CHP1: variants seen among roughly 807,000 people sequenced by gnomAD.
CHP1 encodes the protein calcineurin like EF-hand protein 1.
CHP1 carries 11 observed loss-of-function variants against 27.4 expected under a neutral mutation model. The observed-to-expected ratio is 0.40, with a 90% CI of 0.25 to 0.67. The LOEUF (loss-of-function observed/expected upper bound fraction) is 0.67, where lower values mean the gene tolerates loss of function less well. CHP1 is among the 30% of genes least tolerant of loss of function. CHP1 has a pLI of 0.38. For synonymous variants in CHP1, 89 were observed against 87.4 expected (o/e 1.02, Z -0.10); for missense variants, 169 against 251.3 (o/e 0.67, Z 2.22).
chr15:41,249,504 G>C (rs1277188317), intron 2 of CHP1, among the ~76,000 whole-genome samples: 1 of 115,040 alleles, frequency 8.7e-6, no homozygotes, highest in East Asian at 2.6e-4. Flanking sequence ...ATGGAGTCTC[G>C]CTCTGTCGTC....
At position 41,231,543 on chromosome 15, in the gene CHP1, T is replaced by G. The variant is rs567354790; in HGVS notation, c.67+94T>G. Reference sequence around the variant, plus strand: ...CTAAGGTCTGGAGCTCGGGTGCCTGTGAGGTTGGGGGGTCCTGGGCAGCCT... The same window carrying G: ...CTAAGGTCTGGAGCTCGGGTGCCTGGGAGGTTGGGGGGTCCTGGGCAGCCT... On this transcript the variant is annotated intron_variant, in intron 1 of 6. Coordinates refer to ENST00000334660, the MANE Select transcript of CHP1 (RefSeq NM_007236.5). The G allele has an allele frequency of 8.7e-3, 10,992 of 1,260,778 alleles. 70 individuals are homozygous for G. Among genetic ancestry groups the G allele is most frequent in the Non-Finnish European group, 0.011 (9,355 of 883,308 alleles). The allele number at this position is 1,260,778 out of a possible 1,614,324, so 78.1% of individuals were successfully genotyped here. A position where few individuals can be genotyped will look rare whatever the true frequency, so the allele number is the denominator to read the frequency against.
intron 5 of CHP1, among the ~76,000 whole-genome samples, chr15:41,278,350 A>AC (rs1268339451): frequency 1.3e-5 from 2 of 150,892 alleles, no homozygotes; most frequent in Admixed American, 6.6e-5. Context: ...AAAAAAAAAA[A>AC]GGAAAAAAAA....
Position 41,273,829 on chromosome 15 carries a change from T to G in CHP1, c.411+3211T>G, listed in dbSNP as rs183526249. Among the ~76,000 whole-genome samples the G allele has an allele frequency of 2.6e-5, 4 of 151,668 alleles. No individual in the cohort carries two copies. The East Asian group carries it at 8.1e-4, about 31-fold the overall frequency. On this transcript the variant is annotated intron_variant, in intron 5 of 6. Coordinates refer to ENST00000334660, the MANE Select transcript of CHP1 (RefSeq NM_007236.5). ...GGTGTTTCACTCCTGTAATTCCAGC[T>G]ACTCGGGAGGCTGAAGTAGGAGAAT...
At chr15:41,279,232 G>A (rs1434060923) in intron 6 of CHP1, 104 bp from the exon 7 acceptor site, 12 of 897,416 alleles carry the variant, frequency 1.3e-5, no homozygotes, top group Non-Finnish European at 1.9e-5. Context: ...AAAAAGTTAC[G>A]TTTTACTGCA....
At chr15:41,279,119 G>T (rs2047533683) in intron 6 of CHP1, among the ~76,000 whole-genome samples, 1 of 151,640 alleles carries the variant, frequency 6.6e-6, no homozygotes, top group African/African-American at 2.4e-5. Context: ...GCTGAGGCAG[G>T]AGAATCGCTT....
chr15:41,278,861 G>A lies in CHP1; in HGVS notation c.506G>A (p.Ser169Asn), dbSNP rs1192384867. ...TIQEADQDGD[S>N]AISFTEFVKV... ...CAGGAGGCTGATCAGGATGGGGACA[G>A]TGCCATATCTTTCACAGAATTTGTT... is the stretch of plus-strand genomic sequence containing the variant. The change falls in exon 6 of 7, where the codon AGT (serine) becomes AAT (asparagine). Residue 169 changes from serine to asparagine, a missense_variant. Transcript: ENST00000334660. The A allele has an allele frequency of 6.2e-7, 1 of 1,614,196 alleles. No individual in the cohort carries two copies. The highest frequency in any genetic ancestry group is 8.5e-7 in the Non-Finnish European group (1 of 1,180,020).
In CHP1 at chr15:41,281,450, C is replaced by T. The variant is rs2140947047; in HGVS notation, c.*2061C>T. On this transcript the variant is annotated 3_prime_UTR_variant, in exon 7 of 7. Coordinates refer to ENST00000334660, the MANE Select transcript of CHP1 (RefSeq NM_007236.5). The stretch of plus-strand genomic sequence containing the variant: ...GCTATTGCTATCCTAATGTATGTCT[C>T]TATGAGTGTATTTAGCCACACATCT... 1 of 152,762 alleles carries T rather than the reference C, an allele frequency of 6.5e-6. No individual in the cohort carries two copies. Among genetic ancestry groups the T allele is most frequent in the East Asian group, 1.9e-4 (1 of 5,190 alleles). 9.5% of individuals were successfully genotyped at this position (152,762 alleles called of 1,614,324 possible).
chr15:41,234,983 GTT>G (rs1267307672), intron 1 of CHP1, among the ~76,000 whole-genome samples: 1 of 152,072 alleles, frequency 6.6e-6, no homozygotes, highest in Non-Finnish European at 1.5e-5. Flanking sequence ...TTTTAAAGGA[GTT>G]TTTAACAGTT....
intron 2 of CHP1, among the ~76,000 whole-genome samples, chr15:41,252,865 T>C (rs2047376930): frequency 6.7e-6 from 1 of 149,758 alleles, no homozygotes; most frequent in East Asian, 2.0e-4. Context: ...AGGTATACCA[T>C]GAGGCAGAAC....
intron 4 of CHP1, among the ~76,000 whole-genome samples, chr15:41,270,210 TA>T (rs1334529626): frequency 6.6e-6 from 1 of 151,866 alleles, no homozygotes; most frequent in East Asian, 1.9e-4. Context: ...TGGTACCTGG[TA>T]GATTTGATGT....
intron 1 of CHP1, among the ~76,000 whole-genome samples, chr15:41,235,410 C>T (rs1173064501): frequency 6.6e-6 from 1 of 152,098 alleles, no homozygotes; most frequent in Non-Finnish European, 1.5e-5. Context: ...CCTGCAGTCC[C>T]AGCTACTCAG....
chr15:41,256,309 T>G (rs2047400464), intron 2 of CHP1, among the ~76,000 whole-genome samples: 1 of 152,222 alleles, frequency 6.6e-6, no homozygotes, highest in Non-Finnish European at 1.5e-5. Flanking sequence ...CATGTGAGGA[T>G]GACTGCTCTT....
chr15:41,233,667 A>C (rs2047263537), intron 1 of CHP1, among the ~76,000 whole-genome samples: 1 of 152,200 alleles, frequency 6.6e-6, no homozygotes, highest in African/African-American at 2.4e-5. Context: ...AGATAAGCCC[A>C]AGAGAGTTAT....
rs1408086778 is a variant in CHP1, at chr15:41,281,154, C to T, written c.*1765C>T. The T allele has an allele frequency of 6.6e-6, 1 of 152,252 alleles. No individual in the cohort carries two copies. The highest frequency in any genetic ancestry group is 1.5e-5 in the Non-Finnish European group (1 of 68,076). 9.4% of individuals were successfully genotyped at this position (152,252 alleles called of 1,614,324 possible). ...GATTACAGGCATGAGCCACCGTGCTCAGCCGCAAAATTCTTTATGAATTTT... is the reference window on the plus strand; with the variant it reads ...GATTACAGGCATGAGCCACCGTGCTTAGCCGCAAAATTCTTTATGAATTTT... On this transcript the variant is annotated 3_prime_UTR_variant, in exon 7 of 7. Coordinates refer to ENST00000334660, the MANE Select transcript of CHP1 (RefSeq NM_007236.5).
intron 3 of CHP1, among the ~76,000 whole-genome samples, chr15:41,259,995 G>A (rs1214171742): frequency 6.6e-6 from 1 of 152,196 alleles, no homozygotes; most frequent in Non-Finnish European, 1.5e-5. Context: ...CTCCCAGAGT[G>A]CTGGGATTAT....
intron 2 of CHP1, chr15:41,256,534 G>T (rs1323564319): frequency 8.9e-6 from 2 of 224,928 alleles, no homozygotes; most frequent in Non-Finnish European, 1.8e-5. Context: ...TTCAAGTTCT[G>T]CAGTATTTGA....
At chr15:41,250,830 T>C (rs1372492077) in intron 2 of CHP1, among the ~76,000 whole-genome samples, 1 of 151,252 alleles carries the variant, frequency 6.6e-6, no homozygotes, top group Non-Finnish European at 1.5e-5. Context: ...TTTCTTTCTT[T>C]CTTTCTTTTT....
chr15:41,267,001 A>G (rs1372955340), intron 4 of CHP1, among the ~76,000 whole-genome samples: 1 of 149,130 alleles, frequency 6.7e-6, no homozygotes, highest in Non-Finnish European at 1.5e-5. Context: ...CTCCATCTCG[A>G]AAAAAAAAAG....
At position 41,233,240 on chromosome 15, in the gene CHP1, T is replaced by C. The variant is rs144370855; in HGVS notation, c.67+1791T>C. Among the ~76,000 whole-genome samples, 198 of 152,292 alleles carry C rather than the reference T, an allele frequency of 1.3e-3. 1 individual carries two copies. Among genetic ancestry groups the C allele is most frequent in the African/African-American group, 4.7e-3 (196 of 41,566 alleles). ...GTGACACCGAATTAAAGTATTTGTGTTAAAGAGTCACATGGAGAAATAAGC... is the reference window on the plus strand; with the variant it reads ...GTGACACCGAATTAAAGTATTTGTGCTAAAGAGTCACATGGAGAAATAAGC... On this transcript the variant is annotated intron_variant, in intron 1 of 6. Coordinates refer to ENST00000334660, the MANE Select transcript of CHP1 (RefSeq NM_007236.5).
Sources: allele counts gnomAD v4.1 joint callset (sites outside exome capture counted in the v4.1 genomes callset), GRCh38; gene constraint gnomAD v4.1.1; transcripts MANE v1.5; gene names NCBI Gene and HGNC (gene_info 2026-07-23, HGNC 2026-07-21).